Variants in CHAC1 observed in about 807,000 individuals in gnomAD.
The protein encoded by CHAC1 is ChaC glutathione specific gamma-glutamylcyclotransferase 1, also known as glutathione-specific gamma-glutamylcyclotransferase 1.
A neutral mutation model predicts 22.1 loss-of-function variants in CHAC1; 22 were observed. The ratio of observed to expected loss-of-function variants is 1.00; its 90% CI spans 0.71 to 1.42. CHAC1 has a LOEUF of 1.42. CHAC1 is among the 40% of genes most tolerant of loss of function. The pLI, the probability that CHAC1 is intolerant of heterozygous loss-of-function variation, is 0.00. For missense variants in CHAC1, 272 were observed against 299.2 expected, an observed-to-expected ratio of 0.91 and a Z score of 0.67; for synonymous variants, 145 against 128.7, an observed-to-expected ratio of 1.13 and a Z score of -0.86.
chr15:40,953,533 G>GCCGGAGACCAGCC lies in CHAC1; in HGVS notation c.-44_-32dup, dbSNP rs767559381. ...CGTCCGTCGGTCTTTCCGTGCCCAC[G>GCCGGAGACCAGCC]CCGGAGACCAGCCCCGGAGGCCGCC... is the stretch of plus-strand genomic sequence containing the variant. On this transcript the variant is annotated 5_prime_UTR_variant, in exon 1 of 3. Transcript: ENST00000617768. 2 of 1,605,710 alleles carry GCCGGAGACCAGCC rather than the reference G, an allele frequency of 1.2e-6. No individual in the cohort carries two copies. Among genetic ancestry groups the GCCGGAGACCAGCC allele is most frequent in the Non-Finnish European group, 1.7e-6 (2 of 1,178,564 alleles).
chr15:40,953,916 A>ACC, intron 1 of CHAC1, 102 bp downstream of exon 1: 1 of 895,864 alleles, frequency 1.1e-6, no homozygotes, highest in Non-Finnish European at 1.7e-6. Flanking sequence ...ATAGAAAGAA[A>ACC]TGTGTAAACC....
Position 40,955,911 on chromosome 15 carries a change from C to G in CHAC1, c.*137C>G. On this transcript the variant is annotated 3_prime_UTR_variant, in exon 3 of 3. Coordinates refer to ENST00000617768, the MANE Select transcript of CHAC1 (RefSeq NM_024111.6). ...GGCTGGAGGCTTCTCTTTCTCAGTCCCTGCCTGTCTGCCAGCCTGCAGCTC... is the reference window on the plus strand; with the variant it reads ...GGCTGGAGGCTTCTCTTTCTCAGTCGCTGCCTGTCTGCCAGCCTGCAGCTC... The G allele has an allele frequency of 5.7e-6, 5 of 870,948 alleles. No individual in the cohort carries two copies. The highest frequency in any genetic ancestry group is 6.8e-6 in the Non-Finnish European group (4 of 585,914). The allele number at this position is 870,948 out of a possible 1,614,324, so 54.0% of individuals were successfully genotyped here.
chr15:40,955,552 C>T lies in CHAC1; in HGVS notation c.447C>T (p.Asn149=). 2 of 1,614,152 alleles carry T rather than the reference C, an allele frequency of 1.2e-6. No homozygotes were observed. Among genetic ancestry groups the T allele is most frequent in the Non-Finnish European group, 1.7e-6 (2 of 1,180,040 alleles). The change falls in exon 3 of 3, where the codon AAC becomes AAT. Residue 149 remains asparagine (N), a synonymous_variant. Coordinates refer to ENST00000617768, the MANE Select transcript of CHAC1 (RefSeq NM_024111.6). ...KALAYVATPQ[N]PGYLGPAPEE... ...TGGCCTATGTGGCCACCCCACAGAA[C>T]CCTGGTTACCTGGGCCCTGCGCCTG... is the stretch of plus-strand genomic sequence containing the variant.
rs954048836 is a variant in CHAC1, at chr15:40,954,249, C to A, written c.253C>A (p.Leu85Ile). ...DKMPGRVVTL[L>I]EDHEGCTWGV... ...CTAGCCTGGCCGTGTGGTGACGCTC[C>A]TTGAAGATCATGAGGTAAGTGCCCG... The change falls in exon 2 of 3, where the codon CTT (leucine) becomes ATT (isoleucine). Residue 85 changes from leucine to isoleucine, a missense_variant. By Grantham distance (5) the Leu-to-Ile change is conservative (BLOSUM62 2). Coordinates refer to ENST00000617768, the MANE Select transcript of CHAC1 (RefSeq NM_024111.6). The A allele has an allele frequency of 1.2e-6, 2 of 1,613,992 alleles. No individual in the cohort carries two copies. Among genetic ancestry groups the A allele is most frequent in the African/African-American group, 2.7e-5 (2 of 74,914 alleles).
rs749227944 is a variant in CHAC1 at position 40,953,569 on chromosome 15, C to G, written c.-15C>G. 2.5e-6 allele frequency: 4 copies of G among 1,609,666 alleles called. No individual in the cohort carries two copies. The highest frequency in any genetic ancestry group is 1.7e-4 in the Middle Eastern group (1 of 6,056). On this transcript the variant is annotated 5_prime_UTR_variant, in exon 1 of 3. Transcript: ENST00000617768. ...GCCCCGGAGGCCGCCTGGGCCTATC[C>G]CTGTGCCAGGCACCATGAAGCAGGA...
At position 40,953,511 on chromosome 15, in the gene CHAC1, C is replaced by T. The variant is rs772309519; in HGVS notation, c.-73C>T. 6.3e-7 allele frequency: 1 copy of T among 1,596,600 alleles called. No homozygotes were observed. The highest frequency in any genetic ancestry group is 8.5e-7 in the Non-Finnish European group (1 of 1,174,700). ...GCGGTGCCAGGCCAGGTGTGTGCGT[C>T]CGTCGGTCTTTCCGTGCCCACGCCG... On this transcript the variant is annotated 5_prime_UTR_variant, in exon 1 of 3. Transcript: ENST00000617768.
chr15:40,953,616 G>A lies in CHAC1; in HGVS notation c.33G>A (p.Pro11=), dbSNP rs1461412759. The A allele has an allele frequency of 1.9e-6, 3 of 1,609,810 alleles. No individual in the cohort carries two copies. Among genetic ancestry groups the A allele is most frequent in the Admixed American group, 1.7e-5 (1 of 60,004 alleles). The change falls in exon 1 of 3, where the codon CCG becomes CCA. Residue 11 remains proline (P), a synonymous_variant. Transcript: ENST00000617768. ...AGGAGTCTGCAGCCCCGAACACCCC[G>A]CCCACCTCGCAGTCCCCTACGCCGT... MKQESAAPNT[P]PTSQSPTPSA...
chr15:40,956,199 C>A lies in CHAC1; in HGVS notation c.*425C>A. 1 of 173,040 alleles carries A rather than the reference C, an allele frequency of 5.8e-6. No homozygotes were observed. The allele number at this position is 173,040 out of a possible 1,614,324, so 10.7% of individuals were successfully genotyped here. A position where few individuals can be genotyped will look rare whatever the true frequency, so the allele number is the denominator to read the frequency against. On this transcript the variant is annotated 3_prime_UTR_variant, in exon 3 of 3. Transcript: ENST00000617768. ...CTGGGAATTCCACCTGCCAAGGATCCCAGCAGGCTGGATGAGGGATAGTAG... is the reference window on the plus strand; with the variant it reads ...CTGGGAATTCCACCTGCCAAGGATCACAGCAGGCTGGATGAGGGATAGTAG...
rs1893175964 is a variant in CHAC1 at position 40,954,153 on chromosome 15, T to C, written c.232-75T>C. 3.3e-6 allele frequency: 5 copies of C among 1,513,918 alleles called. No individual in the cohort carries two copies. The African/African-American group carries it at 5.5e-5, about 17-fold the overall frequency. The allele number at this position is 1,513,918 out of a possible 1,614,324, so 93.8% of individuals were successfully genotyped here. A position where few individuals can be genotyped will look rare whatever the true frequency, so the allele number is the denominator to read the frequency against. ...CACTTGGAGGCCCGGGTCAGCGGGA[T>C]TGATAAAGGTTTCCTTGCTGATGGC... On this transcript the variant is annotated intron_variant, in intron 1 of 2. Transcript: ENST00000617768.
intron 2 of CHAC1, 74 bp downstream of exon 2, chr15:40,954,337 TTGG>T: frequency 6.7e-7 from 1 of 1,489,044 alleles, no homozygotes; most frequent in Non-Finnish European, 9.4e-7. Flanking sequence ...TCATAGGCTC[TTGG>T]CTGCAGGCTA....
intron 2 of CHAC1, 48 bp downstream of exon 2, chr15:40,954,311 G>A (rs1215792657): frequency 5.6e-6 from 9 of 1,592,952 alleles, no homozygotes; most frequent in Non-Finnish European, 7.7e-6. Context: ...TGTGAAGGGG[G>A]ACCAGCAGAG....
Position 40,956,094 on chromosome 15 carries a change from A to C in CHAC1, c.*320A>C. On this transcript the variant is annotated 3_prime_UTR_variant, in exon 3 of 3. Transcript: ENST00000617768. ...TCCCCCCAGTGCTGCTGCTAACCCC[A>C]CACCACCCAGGCCTCCACCTCCCCA... is the stretch of plus-strand genomic sequence containing the variant. The C allele has an allele frequency of 7.1e-6, 2 of 282,610 alleles. No homozygotes were observed. Among genetic ancestry groups the C allele is most frequent in the Middle Eastern group, 1.1e-3 (1 of 936 alleles). The allele number at this position is 282,610 out of a possible 1,614,324, so 17.5% of individuals were successfully genotyped here.
At position 40,953,598 on chromosome 15, in the gene CHAC1, T is replaced by G. The variant is rs1893154989; in HGVS notation, c.15T>G (p.Ser5=). 4.3e-6 allele frequency: 7 copies of G among 1,610,072 alleles called. No homozygotes were observed. Among genetic ancestry groups the G allele is most frequent in the Non-Finnish European group, 5.9e-6 (7 of 1,179,864 alleles). Residue 5 remains serine, a synonymous_variant, in exon 1 of 3, where the codon TCT becomes TCG. Transcript: ENST00000617768. MKQE[S]AAPNTPPTSQ... ...TGCCAGGCACCATGAAGCAGGAGTC[T>G]GCAGCCCCGAACACCCCGCCCACCT...
At chr15:40,954,336 C>T (rs1253889739) in intron 2 of CHAC1, 73 bp downstream of exon 2, 65 of 1,497,866 alleles carry the variant, frequency 4.3e-5, no homozygotes, top group Non-Finnish European at 6.0e-5. Context: ...CTCATAGGCT[C>T]TTGGCTGCAG....
At position 40,956,045 on chromosome 15, in the gene CHAC1, C is replaced by A; in HGVS notation, c.*271C>A. The A allele has an allele frequency of 2.4e-6, 1 of 417,588 alleles. No individual in the cohort carries two copies. The allele number at this position is 417,588 out of a possible 1,614,324, so 25.9% of individuals were successfully genotyped here. ...ACACAGGGGCCCTGCTGAGCAGTGG[C>A]CCCATCCTGGAACTTGACCAGATTC... On this transcript the variant is annotated 3_prime_UTR_variant, in exon 3 of 3. Coordinates refer to ENST00000617768, the MANE Select transcript of CHAC1 (RefSeq NM_024111.6).
rs767630197 is a variant in CHAC1 at position 40,955,785 on chromosome 15, C to G, written c.*11C>G. The G allele has an allele frequency of 2.1e-5, 33 of 1,577,964 alleles. No individual in the cohort carries two copies. The Middle Eastern group carries it at 1.2e-3, about 58-fold the overall frequency. ...CTGGCGCTGGTGTGAGGGGCTGAGC[C>G]CCTGCGGGGAGTGCTCATGTGGACA... is the stretch of plus-strand genomic sequence containing the variant. On this transcript the variant is annotated 3_prime_UTR_variant, in exon 3 of 3. Transcript: ENST00000617768.
In CHAC1 at chr15:40,955,400, G is replaced by A. The variant is rs552285637; in HGVS notation, c.295G>A (p.Val99Met). Residue 99 changes from valine (V) to methionine (M), a missense_variant, in exon 3 of 3, where the codon GTG becomes ATG. Physicochemically the swap from Val to Met is conservative, Grantham distance 21 (BLOSUM62 1). Coordinates refer to ENST00000617768, the MANE Select transcript of CHAC1 (RefSeq NM_024111.6). Reference sequence around the variant, plus strand: ...CTGCACTTGGGGCGTGGCATACCAAGTGCAAGGGGAGCAGGTAAGCAAGGC... The same window carrying A: ...CTGCACTTGGGGCGTGGCATACCAAATGCAAGGGGAGCAGGTAAGCAAGGC... ...EGCTWGVAYQVQGEQVSKALK... is the reference protein window; with the variant it reads ...EGCTWGVAYQMQGEQVSKALK... 1.9e-6 allele frequency: 3 copies of A among 1,614,014 alleles called. No homozygotes were observed. Among genetic ancestry groups the A allele is most frequent in the Admixed American group, 1.7e-5 (1 of 60,016 alleles).
chr15:40,955,910 C>A lies in CHAC1; in HGVS notation c.*136C>A. On this transcript the variant is annotated 3_prime_UTR_variant, in exon 3 of 3. Coordinates refer to ENST00000617768, the MANE Select transcript of CHAC1 (RefSeq NM_024111.6). ...TGGCTGGAGGCTTCTCTTTCTCAGT[C>A]CCTGCCTGTCTGCCAGCCTGCAGCT... 1 of 871,096 alleles carries A rather than the reference C, an allele frequency of 1.1e-6. No homozygotes were observed. Among genetic ancestry groups the A allele is most frequent in the Non-Finnish European group, 1.7e-6 (1 of 585,936 alleles). 54.0% of individuals were successfully genotyped at this position (871,096 alleles called of 1,614,324 possible). A position where few individuals can be genotyped will look rare whatever the true frequency, so the allele number is the denominator to read the frequency against.
Position 40,954,224 on chromosome 15 carries a change from C to G in CHAC1, c.232-4C>G, listed in dbSNP as rs1401419286. The G allele has an allele frequency of 1.9e-6, 3 of 1,614,046 alleles. No individual in the cohort carries two copies. The highest frequency in any genetic ancestry group is 2.5e-6 in the Non-Finnish European group (3 of 1,179,966). On this transcript the variant is annotated splice_region_variant and splice_polypyrimidine_tract_variant and intron_variant, in intron 1 of 2. Transcript: ENST00000617768. ...CTATTTCAAAATATTTCTTCCCTCC[C>G]TAGCCTGGCCGTGTGGTGACGCTCC... is the stretch of plus-strand genomic sequence containing the variant.
Sources: gnomAD v4.1 joint callset for allele counts on GRCh38, gnomAD v4.1.1 for gene constraint, MANE v1.5 for transcripts, NCBI Gene and HGNC (gene_info 2026-07-23, HGNC 2026-07-21) for gene names.